Variants in NTSR2 observed in about 807,000 individuals in gnomAD.
The protein encoded by NTSR2 is neurotensin receptor type 2.
In NTSR2, 22 loss-of-function variants were observed where a neutral mutation model predicts 24.1. The ratio of observed to expected loss-of-function variants is 0.91; its 90% CI spans 0.65 to 1.30. The LOEUF (loss-of-function observed/expected upper bound fraction) is 1.30, where lower values mean the gene tolerates loss of function less well. Among genes scored for constraint, NTSR2 ranks in the 50% most tolerant of loss-of-function variants. The pLI is 0.00. For synonymous variants in NTSR2, 291 were observed against 267.0 expected (o/e 1.09, Z -0.88); for missense variants, 570 against 570.4 (o/e 1.00, Z 0.01).
At position 11,669,639 on chromosome 2, in the gene NTSR2, A is replaced by G. The variant is rs1458422272; in HGVS notation, c.491T>C (p.Leu164Pro). 3.8e-5 allele frequency: 59 copies of G among 1,563,040 alleles called. No homozygotes were observed. Among genetic ancestry groups the G allele is most frequent in the Non-Finnish European group, 5.0e-5 (58 of 1,161,232 alleles). ...GACGGCCATGGGCAGGGCGAGGCCG[A>G]GCGAGGCGGCCCACGAGAGCGCCAC... Reference protein sequence around the residue: ...WLVALSWAASLGLALPMAVIM... With the variant: ...WLVALSWAASPGLALPMAVIM... The change falls in exon 1 of 4, where the codon CTC becomes CCC. Residue 164 changes from leucine (L) to proline (P), a missense_variant. By Grantham distance (98) the Leu-to-Pro change is moderately conservative. Transcript: ENST00000306928.
At chr2:11,666,194 T>C (rs1661195137) in intron 1 of NTSR2, among the ~76,000 whole-genome samples, 1 of 152,000 alleles carries the variant, frequency 6.6e-6, no homozygotes, top group Non-Finnish European at 1.5e-5. Context: ...AGAGATGAGG[T>C]TGCGGGTCTC....
Position 11,658,693 on chromosome 2 carries a change from T to G in NTSR2, c.1019A>C (p.Tyr340Ser), listed in dbSNP as rs1553391704. The G allele has an allele frequency of 6.2e-7, 1 of 1,614,074 alleles. No homozygotes were observed. Among genetic ancestry groups the G allele is most frequent in the East Asian group, 2.2e-5 (1 of 44,872 alleles). ...DPLYNFYHYF[Y>S]MVTNTLFYVS... is the part of the protein sequence containing the mutation. ...GTAGAAAAGTGTGTTGGTCACCATG[T>G]AGAAGTAGTGGTAGAAATTGTACAG... Residue 340 changes from tyrosine to serine, a missense_variant, in exon 4 of 4, where the codon TAC becomes TCC. Tyr to Ser is a moderately radical substitution (Grantham distance 144). Coordinates refer to ENST00000306928, the MANE Select transcript of NTSR2 (RefSeq NM_012344.4).
chr2:11,666,899 C>G (rs1057199609), intron 1 of NTSR2, among the ~76,000 whole-genome samples: 1 of 151,922 alleles, frequency 6.6e-6, no homozygotes, highest in African/African-American at 2.4e-5. Flanking sequence ...AGGCACTGTA[C>G]CAGGCTGGGA....
Position 11,658,258 on chromosome 2 carries a change from G to A in NTSR2, c.*221C>T, listed in dbSNP as rs760238001. 3.8e-5 allele frequency: 19 copies of A among 495,922 alleles called. No individual in the cohort carries two copies. Among genetic ancestry groups the A allele is most frequent in the Non-Finnish European group, 6.6e-5 (19 of 287,032 alleles). The allele number at this position is 495,922 out of a possible 1,614,324, so 30.7% of individuals were successfully genotyped here. On this transcript the variant is annotated 3_prime_UTR_variant, in exon 4 of 4. Coordinates refer to ENST00000306928, the MANE Select transcript of NTSR2 (RefSeq NM_012344.4). ...ACTTTAGTCTCAGGCAACACTAAGAGATGGGTGCTGTTCTTTATCTCCACT... is the reference window on the plus strand; with the variant it reads ...ACTTTAGTCTCAGGCAACACTAAGAAATGGGTGCTGTTCTTTATCTCCACT...
At chr2:11,669,460 G>GGGGGGGGGGGGGCCCCCCCCCCCC in intron 1 of NTSR2, 46 bp downstream of exon 1, 15 of 254,718 alleles carry the variant, frequency 5.9e-5, no homozygotes, top group Non-Finnish European at 6.9e-5. Flanking sequence ...TCCCAGCACC[G>GGGGGGGGGGGGGCCCCCCCCCCCC]CCCCCCCACC....
intron 1 of NTSR2, among the ~76,000 whole-genome samples, chr2:11,666,901 A>G (rs1460124667): frequency 6.6e-6 from 1 of 152,182 alleles, no homozygotes; most frequent in Non-Finnish European, 1.5e-5. Flanking sequence ...GCACTGTACC[A>G]GGCTGGGAAG....
chr2:11,659,771 C>G (rs1661029960), intron 3 of NTSR2, among the ~76,000 whole-genome samples: 1 of 152,318 alleles, frequency 6.6e-6, no homozygotes, highest in African/African-American at 2.4e-5. Context: ...TCCCTCTTCC[C>G]AGGCTGAGGC....
chr2:11,659,089 G>T (rs921124517), intron 3 of NTSR2, among the ~76,000 whole-genome samples: 61 of 152,262 alleles, frequency 4.0e-4, no homozygotes, highest in African/African-American at 1.5e-3. Context: ...CTGACCTCAG[G>T]TGATCCACCT....
rs1470349127 is a variant in NTSR2 at position 11,662,101 on chromosome 2, T to C, written c.764A>G (p.Glu255Gly). ...TPGSSTPSRL[E>G]LLSEEGLLSF... ...GAGGAGACCCTCCTCACTCAGCAGC[T>C]CCAGGCGGCTGGGGGTGGAGCTGCC... Residue 255 changes from glutamate to glycine, a missense_variant, in exon 2 of 4, where the codon GAG becomes GGG. By Grantham distance (98) the Glu-to-Gly change is moderately conservative. Coordinates refer to ENST00000306928, the MANE Select transcript of NTSR2 (RefSeq NM_012344.4). 4 of 1,613,258 alleles carry C rather than the reference T, an allele frequency of 2.5e-6. No individual in the cohort carries two copies. The highest frequency in any genetic ancestry group is 3.4e-6 in the Non-Finnish European group (4 of 1,179,828).
At chr2:11,669,459 C>CCGGGCGGGGG in intron 1 of NTSR2, 47 bp downstream of exon 1, 1 of 337,894 alleles carries the variant, frequency 3.0e-6, no homozygotes, top group East Asian at 4.3e-5. Flanking sequence ...CTCCCAGCAC[C>CCGGGCGGGGG]GCCCCCCCAC....
Position 11,661,827 on chromosome 2 carries a change from A to T in NTSR2, c.898+140T>A. ...GAACCCTACAGGAAGTCTGTTGGTT[A>T]TACAGTTCCCCTGGGGCATAGGGTA... On this transcript the variant is annotated intron_variant, in intron 2 of 3. Coordinates refer to ENST00000306928, the MANE Select transcript of NTSR2 (RefSeq NM_012344.4). 14 of 708,518 alleles carry T rather than the reference A, an allele frequency of 2.0e-5. No homozygotes were observed. The South Asian group carries it at 2.9e-4, about 14-fold the overall frequency. The allele number at this position is 708,518 out of a possible 1,614,324, so 43.9% of individuals were successfully genotyped here. A position where few individuals can be genotyped will look rare whatever the true frequency, so the allele number is the denominator to read the frequency against.
At chr2:11,659,165 G>A (rs1046278313) in intron 3 of NTSR2, among the ~76,000 whole-genome samples, 1 of 152,184 alleles carries the variant, frequency 6.6e-6, no homozygotes, top group African/African-American at 2.4e-5. Context: ...GAAGCACAAT[G>A]TAAATTCCAT....
In NTSR2 at chr2:11,658,291, C is replaced by T. The variant is rs751670591; in HGVS notation, c.*188G>A. On this transcript the variant is annotated 3_prime_UTR_variant, in exon 4 of 4. Transcript: ENST00000306928. ...CTGTTCTTTATCTCCACTACACAGA[C>T]GAGGGAGCCTGAGGCTAGGAGGGGT... The T allele has an allele frequency of 1.4e-5, 9 of 647,944 alleles. No homozygotes were observed. Among genetic ancestry groups the T allele is most frequent in the Admixed American group, 3.0e-5 (1 of 32,888 alleles). The allele number at this position is 647,944 out of a possible 1,614,324, so 40.1% of individuals were successfully genotyped here. A position where few individuals can be genotyped will look rare whatever the true frequency, so the allele number is the denominator to read the frequency against.
intron 1 of NTSR2, among the ~76,000 whole-genome samples, chr2:11,666,198 G>A (rs1426555645): frequency 2.6e-5 from 4 of 152,118 alleles, no homozygotes; most frequent in Admixed American, 6.6e-5. Flanking sequence ...ATGAGGTTGC[G>A]GGTCTCCAGC....
At chr2:11,668,675 A>G (rs1314031518) in intron 1 of NTSR2, among the ~76,000 whole-genome samples, 1 of 152,204 alleles carries the variant, frequency 6.6e-6, no homozygotes, top group African/African-American at 2.4e-5. Context: ...TGCTGGATAC[A>G]TGAGATCATG....
At chr2:11,669,460 G>GGGGGGGGGGGGCGCCCCCCCCCCCCC in intron 1 of NTSR2, 46 bp downstream of exon 1, 1 of 254,726 alleles carries the variant, frequency 3.9e-6, no homozygotes. Context: ...TCCCAGCACC[G>GGGGGGGGGGGGCGCCCCCCCCCCCCC]CCCCCCCACC....
In NTSR2 at chr2:11,660,088, G is replaced by A; in HGVS notation, c.944C>T (p.Ala315Val). ...MYVICWLPYH[A>V]RRLMYCYVPD... ...TACGTAGCAGTACATGAGCCTGCGG[G>A]CATGGTACGGCAGCCAGCAGATGAC... The change falls in exon 3 of 4, where the codon GCC becomes GTC. Residue 315 changes from alanine to valine, a missense_variant. Physicochemically the swap from Ala to Val is moderately conservative, Grantham distance 64. Coordinates refer to ENST00000306928, the MANE Select transcript of NTSR2 (RefSeq NM_012344.4). 2.5e-6 allele frequency: 4 copies of A among 1,613,868 alleles called. No individual in the cohort carries two copies. Among genetic ancestry groups the A allele is most frequent in the Non-Finnish European group, 3.4e-6 (4 of 1,179,982 alleles).
intron 3 of NTSR2, 130 bp from the exon 4 acceptor site, chr2:11,658,852 G>T: frequency 1.8e-6 from 2 of 1,115,026 alleles, no homozygotes; most frequent in Non-Finnish European, 2.6e-6. Flanking sequence ...AGGAAGCACA[G>T]TGTTTTTGTT....
chr2:11,669,460 G>GGGGGGGGGGGCCCCCCCCCCCC, intron 1 of NTSR2, 46 bp downstream of exon 1: 1 of 254,724 alleles, frequency 3.9e-6, no homozygotes, highest in Non-Finnish European at 6.9e-6. Flanking sequence ...TCCCAGCACC[G>GGGGGGGGGGGCCCCCCCCCCCC]CCCCCCCACC....
Sources: allele counts gnomAD v4.1 joint callset (sites outside exome capture counted in the v4.1 genomes callset), GRCh38; gene constraint gnomAD v4.1.1; transcripts MANE v1.5; gene names NCBI Gene and HGNC (gene_info 2026-07-23, HGNC 2026-07-21).